SLC18B1: variants seen among roughly 807,000 people sequenced by gnomAD.
The protein encoded by SLC18B1 is solute carrier family 18 member B1, also known as MFS-type transporter SLC18B1.
SLC18B1 carries 62 observed loss-of-function variants against 53.9 expected under a neutral mutation model. The observed-to-expected ratio is 1.15, with a 90% CI of 0.94 to 1.42. The LOEUF (loss-of-function observed/expected upper bound fraction) is 1.42, where lower values mean the gene tolerates loss of function less well. Ranked by LOEUF, SLC18B1 falls within the 40% of genes most tolerant of loss-of-function variation. The pLI, the probability that SLC18B1 is intolerant of heterozygous loss-of-function variation, is 0.00. For synonymous variants in SLC18B1, 217 were observed against 200.9 expected (o/e 1.08, Z -0.68); for missense variants, 598 against 547.3 (o/e 1.09, Z -0.93).
At chr6:132,771,698 G>C (rs576061540) in intron 11 of SLC18B1, among the ~76,000 whole-genome samples, 20 of 152,292 alleles carry the variant, frequency 1.3e-4, no homozygotes, top group Admixed American at 3.3e-4. Context: ...TAGATGAACT[G>C]TTTGTCTTTG....
At chr6:132,796,419 G>C (rs1032059898) in intron 2 of SLC18B1, among the ~76,000 whole-genome samples, 27 of 148,474 alleles carry the variant, frequency 1.8e-4, no homozygotes, top group African/African-American at 2.5e-4. Flanking sequence ...CCAGCTACTC[G>C]GGAGGCTGAG....
At chr6:132,793,058 T>C (rs898694359) in intron 2 of SLC18B1, among the ~76,000 whole-genome samples, 2 of 151,924 alleles carry the variant, frequency 1.3e-5, no homozygotes, top group African/African-American at 2.4e-5. Context: ...GAGGCGGAGG[T>C]TGCAGTAAGC....
rs1582870361 is a variant in SLC18B1 at position 132,789,790 on chromosome 6, G to C, written c.327C>G (p.Val109=). 1 of 1,613,346 alleles carries C rather than the reference G, an allele frequency of 6.2e-7. No homozygotes were observed. The highest frequency in any genetic ancestry group is 8.5e-7 in the Non-Finnish European group (1 of 1,179,418). The change falls in exon 4 of 14, where the codon GTC becomes GTG. Residue 109 remains valine, a synonymous_variant. Coordinates refer to ENST00000275227, the MANE Select transcript of SLC18B1 (RefSeq NM_052831.3). ...CAAAGAGAATTGTAACTCCTCCTGA[G>C]ACAAACATTCCTGCTACAAACATAA... The part of the protein sequence containing the change: ...AKFMFVAGMF[V]SGGVTILFGV...
At chr6:132,772,425 A>G (rs1781001197) in intron 10 of SLC18B1, among the ~76,000 whole-genome samples, 1 of 152,186 alleles carries the variant, frequency 6.6e-6, no homozygotes, top group Non-Finnish European at 1.5e-5. Context: ...CTGCATATAT[A>G]TATGATATTA....
chr6:132,781,394 G>C (rs964929453), intron 6 of SLC18B1, among the ~76,000 whole-genome samples: 1 of 152,120 alleles, frequency 6.6e-6, no homozygotes, highest in Non-Finnish European at 1.5e-5. Flanking sequence ...TGAGGGGACA[G>C]GAAAAATACT....
chr6:132,775,702 T>TTTTGC (rs1238044886), intron 8 of SLC18B1, among the ~76,000 whole-genome samples: 1 of 152,220 alleles, frequency 6.6e-6, no homozygotes, highest in African/African-American at 2.4e-5. Flanking sequence ...TTTTGTTTTG[T>TTTTGC]TTTGCTTTTC....
chr6:132,782,120 G>A (rs1051759769), intron 6 of SLC18B1, among the ~76,000 whole-genome samples: 1 of 151,586 alleles, frequency 6.6e-6, no homozygotes, highest in African/African-American at 2.4e-5. Context: ...CCTGGGAGGC[G>A]GAGGTTACAG....
chr6:132,776,191 A>G (rs1023846866), intron 8 of SLC18B1, 137 bp downstream of exon 8: 7 of 668,176 alleles, frequency 1.0e-5, no homozygotes, highest in East Asian at 8.7e-5. Flanking sequence ...GGTGATAGAA[A>G]ACACTGAAAC....
intron 1 of SLC18B1, among the ~76,000 whole-genome samples, chr6:132,797,977 A>G (rs1018929760): frequency 3.9e-5 from 6 of 152,224 alleles, no homozygotes; most frequent in Non-Finnish European, 7.3e-5. Context: ...TCTATTTGTC[A>G]GAGGTTGCCA....
At chr6:132,778,388 A>C (rs1582858759) in intron 7 of SLC18B1, among the ~76,000 whole-genome samples, 2 of 152,274 alleles carry the variant, frequency 1.3e-5, no homozygotes, top group East Asian at 3.9e-4. Flanking sequence ...CTAAAATAAC[A>C]GTCCCCAAGT....
Position 132,776,329 on chromosome 6 carries a change from G to A in SLC18B1, c.896C>T (p.Pro299Leu). 1.2e-6 allele frequency: 2 copies of A among 1,608,890 alleles called. No individual in the cohort carries two copies. The highest frequency in any genetic ancestry group is 1.7e-6 in the Non-Finnish European group (2 of 1,176,016). Residue 299 changes from proline to leucine, a missense_variant and splice_region_variant, in exon 8 of 14, where the codon CCA becomes CTA. Physicochemically the swap from Pro to Leu is moderately conservative, Grantham distance 98. Coordinates refer to ENST00000275227, the MANE Select transcript of SLC18B1 (RefSeq NM_052831.3). ...CAAATATAAATTAAGTGTACGTACT[G>A]GCCTTTTATCACTTAGGAGACCAAA... ...PLFGLLSDKRPPLRKWLLVFG... is the reference protein window; with the variant it reads ...PLFGLLSDKRLPLRKWLLVFG...
At position 132,798,406 on chromosome 6, in the gene SLC18B1, A is replaced by G; in HGVS notation, c.43+8T>C. On this transcript the variant is annotated splice_region_variant and intron_variant, in intron 1 of 13. Transcript: ENST00000275227. ...CTCCGGGCTCCCGGCCACGCAATTCATGGTCACCTCCTGGTGCGCGTGGTC... is the reference window on the plus strand; with the variant it reads ...CTCCGGGCTCCCGGCCACGCAATTCGTGGTCACCTCCTGGTGCGCGTGGTC... 1.3e-6 allele frequency: 2 copies of G among 1,525,772 alleles called. No individual in the cohort carries two copies. The highest frequency in any genetic ancestry group is 1.8e-6 in the Non-Finnish European group (2 of 1,134,262). 94.5% of individuals were successfully genotyped at this position (1,525,772 alleles called of 1,614,324 possible).
chr6:132,783,988 C>T lies in SLC18B1; in HGVS notation c.603G>A (p.Leu201=). 7.5e-6 allele frequency: 12 copies of T among 1,609,892 alleles called. No homozygotes were observed. The highest frequency in any genetic ancestry group is 1.0e-5 in the Non-Finnish European group (12 of 1,178,300). The change falls in exon 6 of 14, where the codon CTG becomes CTA. Residue 201 remains leucine, a synonymous_variant. Transcript: ENST00000275227. The stretch of plus-strand genomic sequence containing the variant: ...GTACCATCAGCAAAACGACGCATCC[C>T]AGAACAATAAAAGGCACTTCATAGC... ...SFGYEVPFIV[L]GCVVLLMVPL...
chr6:132,787,637 T>C (rs1157458053), intron 4 of SLC18B1, 56 bp from the exon 5 acceptor site: 1 of 1,385,606 alleles, frequency 7.2e-7, no homozygotes, highest in East Asian at 2.6e-5. Context: ...TTTTTTTTTT[T>C]CCTTTTTAAC....
At position 132,779,375 on chromosome 6, in the gene SLC18B1, T is replaced by C; in HGVS notation, c.688A>G (p.Lys230Glu). ...ESDPGEHSFWKLIALPKVGLI... is the reference protein window; with the variant it reads ...ESDPGEHSFWELIALPKVGLI... ...CCAACTTTGGGTAAAGCGATCAGTT[T>C]CCAGAATGAGTGTTCACCTGGATCA... is the stretch of plus-strand genomic sequence containing the variant. Residue 230 changes from lysine to glutamate, a missense_variant, in exon 7 of 14, where the codon AAA becomes GAA. Physicochemically the swap from Lys to Glu is moderately conservative, Grantham distance 56. Coordinates refer to ENST00000275227, the MANE Select transcript of SLC18B1 (RefSeq NM_052831.3). 1 of 1,613,548 alleles carries C rather than the reference T, an allele frequency of 6.2e-7. No homozygotes were observed. Among genetic ancestry groups the C allele is most frequent in the Non-Finnish European group, 8.5e-7 (1 of 1,179,652 alleles).
intron 6 of SLC18B1, among the ~76,000 whole-genome samples, chr6:132,780,404 C>T (rs1383173163): frequency 6.6e-6 from 1 of 152,080 alleles, no homozygotes; most frequent in Non-Finnish European, 1.5e-5. Context: ...GGCCCTCATT[C>T]ATCCCCATTT....
intron 13 of SLC18B1, among the ~76,000 whole-genome samples, 157 bp downstream of exon 13, chr6:132,770,733 C>T (rs1780947894): frequency 6.6e-6 from 1 of 152,032 alleles, no homozygotes; most frequent in African/African-American, 2.4e-5. Flanking sequence ...AAGACACCAT[C>T]TCAAAAAATA....
chr6:132,774,714 G>A (rs1200558745), intron 8 of SLC18B1, among the ~76,000 whole-genome samples: 1 of 152,088 alleles, frequency 6.6e-6, no homozygotes, highest in Admixed American at 6.6e-5. Flanking sequence ...TTTGAGACCA[G>A]ACTAGCCAAC....
At chr6:132,794,223 C>T (rs547045037) in intron 2 of SLC18B1, among the ~76,000 whole-genome samples, 1 of 151,794 alleles carries the variant, frequency 6.6e-6, no homozygotes, top group Admixed American at 6.6e-5. Context: ...CCTGTCTCAG[C>T]CTCCTGAGTA....
Sources: gnomAD v4.1 joint callset for allele counts (sites outside exome capture counted in the v4.1 genomes callset) on GRCh38, gnomAD v4.1.1 for gene constraint, MANE v1.5 for transcripts, NCBI Gene and HGNC (gene_info 2026-07-23, HGNC 2026-07-21) for gene names.